The following TSHZ2 variants were observed in gnomAD, a reference collection of about 807,000 sequenced individuals.
TSHZ2 encodes teashirt zinc finger homeobox 2.
A neutral mutation model predicts 74.4 loss-of-function variants in TSHZ2; 21 were observed. The observed-to-expected ratio is 0.28, with a 90% confidence interval of 0.20 to 0.41. The LOEUF is 0.41. Among genes scored for constraint, TSHZ2 ranks in the 10% least tolerant of loss-of-function variants. The pLI is 1.00. For synonymous variants in TSHZ2, 540 were observed against 515.3 expected (o/e 1.05, Z -0.65); for missense variants, 1,244 against 1,293.5 (o/e 0.96, Z 0.59).
chr20:53,481,821 T>A (rs951359738), intron 2 of TSHZ2, among the ~76,000 whole-genome samples: 3 of 152,078 alleles, frequency 2.0e-5, no homozygotes, highest in Non-Finnish European at 4.4e-5. Context: ...ACTCAGATAA[T>A]GGCCGGGTGC....
chr20:53,469,045 T>TATATATATA (rs1985655239), intron 2 of TSHZ2, among the ~76,000 whole-genome samples: 11 of 49,128 alleles, frequency 2.2e-4, no homozygotes, highest in Non-Finnish European at 4.2e-4. Flanking sequence ...AATCGATATT[T>TATATATATA]TATATATATA....
chr20:53,375,154 A>C (rs915818338), intron 2 of TSHZ2, among the ~76,000 whole-genome samples: 1 of 152,194 alleles, frequency 6.6e-6, no homozygotes, highest in Non-Finnish European at 1.5e-5. Flanking sequence ...TTTAAAAAAC[A>C]CTGGTCAATT....
At chr20:53,148,127 T>C (rs1370588927) in intron 1 of TSHZ2, among the ~76,000 whole-genome samples, 1 of 152,250 alleles carries the variant, frequency 6.6e-6, no homozygotes, top group Admixed American at 6.5e-5. Context: ...TCTAAATTCC[T>C]ACAGCTAATA....
rs1211959720 is a variant in TSHZ2 at position 53,488,909 on chromosome 20, C to CT, written c.*1781dup. 3 of 441,248 alleles carry CT rather than the reference C, an allele frequency of 6.8e-6. No homozygotes were observed. The highest frequency in any genetic ancestry group is 1.4e-5 in the Non-Finnish European group (3 of 218,282). The allele number at this position is 441,248 out of a possible 1,614,324, so 27.3% of individuals were successfully genotyped here. On this transcript the variant is annotated 3_prime_UTR_variant, in exon 3 of 3. Transcript: ENST00000371497. ...TTATGCCACATATAATAGCAAATTGCTTTTTTTATGGCATGCATAACCTAG... is the reference window on the plus strand; with the variant it reads ...TTATGCCACATATAATAGCAAATTGCTTTTTTTTATGGCATGCATAACCTAG...
chr20:53,312,476 G>A (rs1978834514), intron 2 of TSHZ2, among the ~76,000 whole-genome samples: 1 of 152,098 alleles, frequency 6.6e-6, no homozygotes, highest in Non-Finnish European at 1.5e-5. Context: ...TAAGTCTGGT[G>A]TCAAAAATTC....
intron 1 of TSHZ2, among the ~76,000 whole-genome samples, chr20:53,206,234 AAAT>A (rs952717383): frequency 5.3e-5 from 8 of 152,164 alleles, no homozygotes; most frequent in African/African-American, 1.9e-4. Flanking sequence ...ATTAAATAAA[AAAT>A]AATAATAAAT....
chr20:53,159,511 G>GA (rs766442785), intron 1 of TSHZ2, among the ~76,000 whole-genome samples: 25 of 149,696 alleles, frequency 1.7e-4, no homozygotes, highest in East Asian at 7.8e-4. Context: ...GTTCTAGATA[G>GA]AAAAAAAAAT....
At chr20:53,070,037 T>A (rs1305257765) in intron 1 of TSHZ2, among the ~76,000 whole-genome samples, 3 of 152,192 alleles carry the variant, frequency 2.0e-5, no homozygotes. Context: ...GAATGTCAGG[T>A]AAACCAAAAT....
chr20:53,372,150 G>A (rs1014046694), intron 2 of TSHZ2, among the ~76,000 whole-genome samples: 9 of 152,010 alleles, frequency 5.9e-5, no homozygotes, highest in East Asian at 1.9e-4. Context: ...GGTTCCAAAC[G>A]GCCATCAATT....
Position 53,371,885 on chromosome 20 carries a change from AAAAG to A in TSHZ2, c.*9-115255_*9-115252del, listed in dbSNP as rs1291761887. Among the ~76,000 whole-genome samples the A allele has an allele frequency of 9.2e-3, 1,380 of 149,280 alleles. 39 individuals are homozygous for A. Among genetic ancestry groups the A allele is most frequent in the African/African-American group, 0.034 (1,314 of 38,992 alleles). On this transcript the variant is annotated intron_variant, in intron 2 of 2. Coordinates refer to ENST00000371497, the MANE Select transcript of TSHZ2 (RefSeq NM_173485.6). ...GAGAGACTCCGTCTCAAAAAAAAAA[AAAAG>A]AAAAAAAAAAGAGTCAGCAGGACAT...
At chr20:53,180,847 G>A (rs947877207) in intron 1 of TSHZ2, among the ~76,000 whole-genome samples, 1 of 152,148 alleles carries the variant, frequency 6.6e-6, no homozygotes, top group African/African-American at 2.4e-5. Flanking sequence ...GCCTTACTGA[G>A]TCAGACATGT....
At chr20:53,075,817 G>C (rs1234412931) in intron 1 of TSHZ2, among the ~76,000 whole-genome samples, 1 of 152,138 alleles carries the variant, frequency 6.6e-6, no homozygotes, top group East Asian at 1.9e-4. Context: ...GTGGGAGCCA[G>C]GTTCTGCTGG....
In TSHZ2 at chr20:53,159,934, T is replaced by A. The variant is rs1444522292; in HGVS notation, c.41-93565T>A. On this transcript the variant is annotated intron_variant, in intron 1 of 2. Transcript: ENST00000371497. ...ATAGACACAGTTGTTAGTCAAATAA[T>A]TATAAAATTTGACTAGTCAGGGAAG... Among the ~76,000 whole-genome samples the A allele has an allele frequency of 2.6e-5, 4 of 152,306 alleles. No individual in the cohort carries two copies. In the East Asian group the frequency reaches 7.7e-4, roughly 29 times the overall value.
At chr20:53,080,364 A>C (rs1985494502) in intron 1 of TSHZ2, among the ~76,000 whole-genome samples, 1 of 152,204 alleles carries the variant, frequency 6.6e-6, no homozygotes, top group Non-Finnish European at 1.5e-5. Context: ...TCTTTACAGG[A>C]AATGATATTG....
rs1176421648 is a variant in TSHZ2 at position 52,973,447 on chromosome 20, G to A, written c.40+114G>A. 12 of 1,360,496 alleles carry A rather than the reference G, an allele frequency of 8.8e-6. No homozygotes were observed. In the East Asian group the frequency reaches 2.3e-4, roughly 26 times the overall value. 84.3% of individuals were successfully genotyped at this position (1,360,496 alleles called of 1,614,324 possible). On this transcript the variant is annotated intron_variant, in intron 1 of 2. Transcript: ENST00000371497. Reference sequence around the variant, plus strand: ...CACTTAAGCTTTCGGGGGAGTTTGCGCCGGGTGCCCTTCTAATAACCCCGT... The same window carrying A: ...CACTTAAGCTTTCGGGGGAGTTTGCACCGGGTGCCCTTCTAATAACCCCGT...
At chr20:53,302,601 C>T (rs1978354540) in intron 2 of TSHZ2, among the ~76,000 whole-genome samples, 1 of 152,080 alleles carries the variant, frequency 6.6e-6, no homozygotes, top group African/African-American at 2.4e-5. Context: ...TTTCTCGAAC[C>T]CTCTTCACAC....
intron 2 of TSHZ2, among the ~76,000 whole-genome samples, chr20:53,263,711 G>GA (rs1990650551): frequency 6.6e-6 from 1 of 152,218 alleles, no homozygotes; most frequent in African/African-American, 2.4e-5. Context: ...GTCAGGTGGA[G>GA]ACACTGGACC....
intron 2 of TSHZ2, among the ~76,000 whole-genome samples, chr20:53,257,258 T>C (rs1321907329): frequency 6.6e-6 from 1 of 152,228 alleles, no homozygotes; most frequent in Non-Finnish European, 1.5e-5. Flanking sequence ...GAAGCTTATT[T>C]TCTTCTTTCA....
intron 2 of TSHZ2, among the ~76,000 whole-genome samples, chr20:53,425,627 T>C (rs1329223429): frequency 6.6e-6 from 1 of 152,158 alleles, no homozygotes; most frequent in Non-Finnish European, 1.5e-5. Flanking sequence ...ATGGTAAACA[T>C]TTCAGGTCTT....
Sources: gnomAD v4.1 joint callset for allele counts (sites outside exome capture counted in the v4.1 genomes callset) on GRCh38, gnomAD v4.1.1 for gene constraint, MANE v1.5 for transcripts, NCBI Gene and HGNC (gene_info 2026-07-23, HGNC 2026-07-21) for gene names.